COL13A1: variants seen among roughly 807,000 people sequenced by gnomAD.
COL13A1 encodes the protein collagen type XIII alpha 1 chain.
A neutral mutation model predicts 130.9 loss-of-function variants in COL13A1; 89 were observed. The ratio of observed to expected loss-of-function variants is 0.68; its 90% CI spans 0.57 to 0.81. The LOEUF (loss-of-function observed/expected upper bound fraction) is 0.81, where lower values mean the gene tolerates loss of function less well. Ranked by LOEUF, COL13A1 falls within the 30% of genes least tolerant of loss-of-function variation. The probability of loss-of-function intolerance (pLI) is 0.00; values close to 1 mark genes in which losing one functional copy is unlikely to be tolerated. For synonymous variants in COL13A1, 402 were observed against 341.6 expected (o/e 1.18, Z -1.95); for missense variants, 879 against 934.6 (o/e 0.94, Z 0.78).
Position 69,922,817 on chromosome 10 carries a change from G to A in COL13A1, c.1230+23G>A. 2.0e-6 allele frequency: 3 copies of A among 1,515,180 alleles called. 1 individual carries two copies. The highest frequency in any genetic ancestry group is 3.4e-4 in the Middle Eastern group (2 of 5,832). The allele number at this position is 1,515,180 out of a possible 1,614,324, so 93.9% of individuals were successfully genotyped here. A position where few individuals can be genotyped will look rare whatever the true frequency, so the allele number is the denominator to read the frequency against. ...AAGGTGAGTGTTCCCTGGAATTGGT[G>A]TTGGGGAGGTGCTTACCTGGGGACT... On this transcript the variant is annotated intron_variant, in intron 23 of 40. Coordinates refer to ENST00000645393, the MANE Select transcript of COL13A1 (RefSeq NM_001368882.1).
intron 3 of COL13A1, among the ~76,000 whole-genome samples, chr10:69,868,270 G>A (rs921128489): frequency 6.6e-6 from 1 of 152,166 alleles, no homozygotes. Flanking sequence ...CCCCTGAGTG[G>A]GGCAGCTCCA....
At chr10:69,846,208 C>A (rs537823392) in intron 2 of COL13A1, among the ~76,000 whole-genome samples, 1 of 152,232 alleles carries the variant, frequency 6.6e-6, no homozygotes, top group Non-Finnish European at 1.5e-5. Flanking sequence ...CAGCCCAGCC[C>A]TCGGTAACAA....
chr10:69,809,826 G>A (rs773982267), intron 1 of COL13A1, among the ~76,000 whole-genome samples: 10 of 152,226 alleles, frequency 6.6e-5, no homozygotes, highest in Non-Finnish European at 1.3e-4. Context: ...AGTACTCTGA[G>A]GGAAGCCCTT....
chr10:69,817,879 G>A (rs1845009659), intron 1 of COL13A1, among the ~76,000 whole-genome samples: 1 of 152,148 alleles, frequency 6.6e-6, no homozygotes, highest in South Asian at 2.1e-4. Context: ...GAGTGTTGAA[G>A]CCTAGGCTGT....
chr10:69,838,263 C>T (rs538449044), intron 2 of COL13A1, among the ~76,000 whole-genome samples: 2 of 152,298 alleles, frequency 1.3e-5, no homozygotes, highest in African/African-American at 2.4e-5. Flanking sequence ...AGCCTAAGGC[C>T]GAGAGAAGGC....
intron 2 of COL13A1, among the ~76,000 whole-genome samples, chr10:69,867,525 G>C (rs1245746526): frequency 6.6e-6 from 1 of 152,230 alleles, no homozygotes; most frequent in Non-Finnish European, 1.5e-5. Flanking sequence ...TTTGTGGGGT[G>C]GGAAACTGAG....
At chr10:69,893,076 C>T (rs554479641) in intron 10 of COL13A1, among the ~76,000 whole-genome samples, 3 of 152,304 alleles carry the variant, frequency 2.0e-5, no homozygotes, top group South Asian at 2.1e-4. Context: ...CCAGGCCGAG[C>T]GCGGTGGCTC....
chr10:69,958,562 G>A, intron 40 of COL13A1, 137 bp from the exon 41 acceptor site: 1 of 1,355,018 alleles, frequency 7.4e-7, no homozygotes. Flanking sequence ...TCACCTAGGG[G>A]CTCAGGGTTC....
chr10:69,870,732 A>G lies in COL13A1; in HGVS notation c.373-1452A>G, dbSNP rs114773261. Among the ~76,000 whole-genome samples, 256 of 152,230 alleles carry G rather than the reference A, an allele frequency of 1.7e-3. 3 individuals are homozygous for G. The highest frequency in any genetic ancestry group is 6.1e-3 in the African/African-American group (253 of 41,548). ...AAGCTACATAAGGAAACAGAAGGTG[A>G]GGGGTGGAGAACAGAGGCAGGAAAG... On this transcript the variant is annotated intron_variant, in intron 3 of 40. Transcript: ENST00000645393.
At chr10:69,919,596 C>T (rs982724682) in intron 20 of COL13A1, 69 bp from the exon 21 acceptor site, 49 of 398,826 alleles carry the variant, frequency 1.2e-4, no homozygotes, top group Non-Finnish European at 1.9e-4. Context: ...GGTCAATGAT[C>T]ACTGCCCATC....
chr10:69,854,737 A>G (rs1855921826), intron 2 of COL13A1, among the ~76,000 whole-genome samples: 1 of 152,146 alleles, frequency 6.6e-6, no homozygotes, highest in Non-Finnish European at 1.5e-5. Flanking sequence ...GTTGCCAAGA[A>G]GTACAAGAAA....
At chr10:69,930,379 C>A (rs188006356) in intron 29 of COL13A1, 21 bp from the exon 30 acceptor site, 1 of 1,591,056 alleles carries the variant, frequency 6.3e-7, no homozygotes, top group South Asian at 1.1e-5. Flanking sequence ...GTCTAAGAAG[C>A]GTTTTTGGTA....
At chr10:69,878,688 G>A (rs1009989329) in intron 6 of COL13A1, among the ~76,000 whole-genome samples, 8 of 152,208 alleles carry the variant, frequency 5.3e-5, no homozygotes, top group African/African-American at 1.7e-4. Context: ...TACCATGTTG[G>A]CCAGGCTGGT....
At chr10:69,930,191 T>C in intron 29 of COL13A1, 104 bp downstream of exon 29, 1 of 1,144,666 alleles carries the variant, frequency 8.7e-7, no homozygotes. Flanking sequence ...GTGAGCCCAG[T>C]GGGCAAGGGA....
chr10:69,819,739 A>G (rs1181807436), intron 1 of COL13A1, among the ~76,000 whole-genome samples: 1 of 152,184 alleles, frequency 6.6e-6, no homozygotes, highest in Non-Finnish European at 1.5e-5. Flanking sequence ...CACAGCACCC[A>G]TGAGCTGTGG....
In COL13A1 at chr10:69,802,267, T is replaced by A. The variant is rs1840199315; in HGVS notation, c.-157T>A. On this transcript the variant is annotated 5_prime_UTR_variant, in exon 1 of 41. Transcript: ENST00000645393. ...TCGGCACTTCCTCTCCTACTGCTAA[T>A]TTTTCCGTCCTCTTTGCCGGGAGCA... is the stretch of plus-strand genomic sequence containing the variant. 5.2e-5 allele frequency: 48 copies of A among 917,494 alleles called. No individual in the cohort carries two copies. The highest frequency in any genetic ancestry group is 6.9e-5 in the Non-Finnish European group (46 of 670,372). The allele number at this position is 917,494 out of a possible 1,614,324, so 56.8% of individuals were successfully genotyped here. A position where few individuals can be genotyped will look rare whatever the true frequency, so the allele number is the denominator to read the frequency against.
intron 33 of COL13A1, among the ~76,000 whole-genome samples, chr10:69,937,064 C>G (rs1444556706): frequency 6.6e-6 from 1 of 152,216 alleles, no homozygotes; most frequent in Non-Finnish European, 1.5e-5. Flanking sequence ...GCCCTGGCCC[C>G]TTCACTCATG....
At chr10:69,930,942 G>T (rs1589602323) in intron 30 of COL13A1, among the ~76,000 whole-genome samples, 1 of 152,202 alleles carries the variant, frequency 6.6e-6, no homozygotes, top group Admixed American at 6.5e-5. Flanking sequence ...CCCGGGAGAG[G>T]CTGCATGTAC....
chr10:69,861,392 G>A (rs933163433), intron 2 of COL13A1, among the ~76,000 whole-genome samples: 7 of 152,318 alleles, frequency 4.6e-5, no homozygotes, highest in African/African-American at 1.7e-4. Flanking sequence ...CTAAGCTGGA[G>A]GGGATCTTAC....
Sources: gnomAD v4.1 joint callset for allele counts (sites outside exome capture counted in the v4.1 genomes callset) on GRCh38, gnomAD v4.1.1 for gene constraint, MANE v1.5 for transcripts, NCBI Gene and HGNC (gene_info 2026-07-23, HGNC 2026-07-21) for gene names.